The following TXLNG variants were observed in gnomAD, a reference collection of about 807,000 sequenced individuals.
TXLNG encodes taxilin gamma.
In TXLNG, 5 loss-of-function variants were observed where a neutral mutation model predicts 38.8. That is an observed-to-expected ratio of 0.13 (90% confidence interval 0.07 to 0.27). The LOEUF (loss-of-function observed/expected upper bound fraction) is 0.27, where lower values mean the gene tolerates loss of function less well. Ranked by LOEUF, TXLNG falls within the 10% of genes least tolerant of loss-of-function variation. The pLI, the probability that TXLNG is intolerant of heterozygous loss-of-function variation, is 1.00. For missense variants in TXLNG, 393 were observed against 398.2 expected (o/e 0.99, Z 0.11); for synonymous variants, 182 against 158.2 (o/e 1.15, Z -1.13).
chrX:16,812,691 C>CTTTT (rs55974932), intron 1 of TXLNG, among the ~76,000 whole-genome samples: 1 of 39,461 alleles, frequency 2.5e-5, no homozygotes, highest in Non-Finnish European at 3.9e-5. Context: ...TGCGGCCAGC[C>CTTTT]TTTTTTTTTT....
intron 4 of TXLNG, among the ~76,000 whole-genome samples, 182 bp downstream of exon 4, chrX:16,828,446 G>C (rs754000217): frequency 8.9e-6 from 1 of 112,012 alleles, no homozygotes; most frequent in African/African-American, 3.2e-5. Flanking sequence ...TTCTTTCTAC[G>C]TAAGTTTTGG....
rs1397064502 is a variant in TXLNG, at chrX:16,841,699, G to A, written c.1520G>A (p.Ser507Asn). The stretch of plus-strand genomic sequence containing the variant: ...GCGCACCTGGAGGCTGAGCCCAAGA[G>A]TCAGAGAAGCGCTGTGCAAAAGCCC... ...LGAHLEAEPK[S>N]QRSAVQKPPS... Residue 507 changes from serine (S) to asparagine (N), a missense_variant, in exon 10 of 10, where the codon AGT becomes AAT. Transcript: ENST00000380122. The A allele has an allele frequency of 2.5e-6, 3 of 1,212,126 alleles. No homozygotes were observed. In the Admixed American group the frequency reaches 6.5e-5, roughly 26 times the overall value.
intron 1 of TXLNG, among the ~76,000 whole-genome samples, chrX:16,801,696 G>T (rs955465681): frequency 4.5e-5 from 5 of 111,438 alleles, no homozygotes; most frequent in Non-Finnish European, 9.4e-5. Flanking sequence ...CAGCTAGTGG[G>T]GTTGGAGGGA....
chrX:16,803,354 A>ATT (rs756547872), intron 1 of TXLNG: 7 of 89,944 alleles, frequency 7.8e-5, no homozygotes, highest in South Asian at 5.0e-4. Context: ...ATACCCAGCT[A>ATT]TTTTTTTTTT....
chrX:16,832,512 G>A, intron 5 of TXLNG, 111 bp from the exon 6 acceptor site: 2 of 993,038 alleles, frequency 2.0e-6, no homozygotes, highest in Middle Eastern at 2.9e-4. Context: ...TAGCTGCAGT[G>A]GTAGTAGCAG....
At chrX:16,809,563 C>T (rs759427956) in intron 1 of TXLNG, among the ~76,000 whole-genome samples, 2 of 109,842 alleles carry the variant, frequency 1.8e-5, no homozygotes, top group East Asian at 2.8e-4. Context: ...AGGCTGGCCT[C>T]GAACTCCTGA....
At chrX:16,795,353 A>G (rs751072483) in intron 1 of TXLNG, among the ~76,000 whole-genome samples, 41 of 112,820 alleles carry the variant, frequency 3.6e-4, no homozygotes, top group South Asian at 2.2e-3. Context: ...TAATGCAGTC[A>G]TTAACATTCA....
At chrX:16,821,258 A>G (rs1928944732) in intron 3 of TXLNG, among the ~76,000 whole-genome samples, 1 of 103,133 alleles carries the variant, frequency 9.7e-6, no homozygotes, top group African/African-American at 3.6e-5. Flanking sequence ...CTCCTGCCTC[A>G]GCCTCCTGAG....
intron 1 of TXLNG, among the ~76,000 whole-genome samples, chrX:16,791,666 A>G (rs1312954359): frequency 1.8e-5 from 2 of 111,575 alleles, no homozygotes; most frequent in Admixed American, 1.9e-4. Flanking sequence ...GCTCACTGCA[A>G]CCTCCACTTT....
At chrX:16,806,601 G>A (rs1569264268) in intron 1 of TXLNG, among the ~76,000 whole-genome samples, 1 of 110,710 alleles carries the variant, frequency 9.0e-6, no homozygotes, top group Non-Finnish European at 1.9e-5. Flanking sequence ...GGCCAACATG[G>A]CAAAACCCCG....
At chrX:16,841,373 T>C in intron 9 of TXLNG, 55 bp from the exon 10 acceptor site, 1 of 1,103,086 alleles carries the variant, frequency 9.1e-7, no homozygotes, top group Non-Finnish European at 1.2e-6. Context: ...GCTTAATTTT[T>C]TTGTAACCTG....
intron 6 of TXLNG, among the ~76,000 whole-genome samples, chrX:16,834,019 A>T (rs910974935): frequency 1.8e-5 from 2 of 112,219 alleles, no homozygotes; most frequent in African/African-American, 6.5e-5. Flanking sequence ...ACAACAATTT[A>T]ACTCTGAGTT....
chrX:16,787,556 C>T (rs577984283), intron 1 of TXLNG, among the ~76,000 whole-genome samples: 6 of 110,856 alleles, frequency 5.4e-5, no homozygotes, highest in South Asian at 7.7e-4. Context: ...AAAATTGAGA[C>T]CTCTTTCAGA....
At chrX:16,802,068 C>T (rs1327140108) in intron 1 of TXLNG, among the ~76,000 whole-genome samples, 3 of 104,632 alleles carry the variant, frequency 2.9e-5, no homozygotes, top group Non-Finnish European at 5.8e-5. Flanking sequence ...ATTCTCCTGC[C>T]TCAGCCTCCC....
intron 3 of TXLNG, among the ~76,000 whole-genome samples, chrX:16,824,217 C>CA (rs950547387): frequency 8.9e-6 from 1 of 111,870 alleles, no homozygotes; most frequent in African/African-American, 3.2e-5. Context: ...CACACGCACA[C>CA]ACGCCTGTAG....
chrX:16,815,113 T>G (rs751726796), intron 1 of TXLNG, among the ~76,000 whole-genome samples: 1 of 112,026 alleles, frequency 8.9e-6, no homozygotes, highest in East Asian at 2.8e-4. Flanking sequence ...GTGGGTTTTA[T>G]TATCATTAAG....
chrX:16,818,770 A>G lies in TXLNG; in HGVS notation c.299A>G (p.Tyr100Cys), dbSNP rs754632334. 2.5e-6 allele frequency: 3 copies of G among 1,212,223 alleles called. No individual in the cohort carries two copies. Among genetic ancestry groups the G allele is most frequent in the Non-Finnish European group, 2.2e-6 (2 of 895,612 alleles). ...AACAGGAATTTGGTGAGCCCAGCATACTGCACGCAAGAATCAAGAGAGGAA... is the reference window on the plus strand; with the variant it reads ...AACAGGAATTTGGTGAGCCCAGCATGCTGCACGCAAGAATCAAGAGAGGAA... ...TENRNLVSPAYCTQESREEIP... is the reference protein window; with the variant it reads ...TENRNLVSPACCTQESREEIP... Residue 100 changes from tyrosine to cysteine, a missense_variant, in exon 2 of 10, where the codon TAC becomes TGC. Transcript: ENST00000380122.
Position 16,786,517 on chromosome X carries a change from G to A in TXLNG, c.30G>A (p.Arg10=). MATRVEEAA[R]GRGGGAEEAT... is the part of the protein sequence containing the mutation. ...CGACGCGGGTAGAGGAGGCAGCGCG[G>A]GGAAGAGGCGGCGGCGCCGAAGAGG... Residue 10 remains arginine (R), a synonymous_variant, in exon 1 of 10, where the codon CGG becomes CGA. Coordinates refer to ENST00000380122, the MANE Select transcript of TXLNG (RefSeq NM_018360.3). 1.8e-6 allele frequency: 2 copies of A among 1,110,992 alleles called. No homozygotes were observed. The highest frequency in any genetic ancestry group is 4.3e-5 in the South Asian group (2 of 46,966). The allele number at this position is 1,110,992 out of a possible 1,213,427, so 91.6% of individuals were successfully genotyped here.
chrX:16,828,982 C>T (rs1423094390), intron 4 of TXLNG, among the ~76,000 whole-genome samples: 1 of 111,524 alleles, frequency 9.0e-6, no homozygotes, highest in Non-Finnish European at 1.9e-5. Context: ...GCCATTATTA[C>T]CTTCTTTGCT....
Sources: allele counts gnomAD v4.1 joint callset (sites outside exome capture counted in the v4.1 genomes callset), GRCh38; gene constraint gnomAD v4.1.1; transcripts MANE v1.5; gene names NCBI Gene and HGNC (gene_info 2026-07-23, HGNC 2026-07-21).